The following AP2A2 variants were observed in gnomAD, a reference collection of about 807,000 sequenced individuals.
AP2A2 encodes AP-2 complex subunit alpha-2.
A neutral mutation model predicts 104.2 loss-of-function variants in AP2A2; 32 were observed. The observed-to-expected ratio is 0.31, with a 90% CI of 0.23 to 0.41. The LOEUF (loss-of-function observed/expected upper bound fraction) is 0.41, where lower values mean the gene tolerates loss of function less well. Among genes scored for constraint, AP2A2 ranks in the 10% least tolerant of loss-of-function variants. The pLI, the probability that AP2A2 is intolerant of heterozygous loss-of-function variation, is 1.00. For synonymous variants in AP2A2, 539 were observed against 533.3 expected (o/e 1.01, Z -0.15); for missense variants, 912 against 1,261.0 (o/e 0.72, Z 4.19).
At chr11:973,759 C>T (rs562551154) in intron 4 of AP2A2, among the ~76,000 whole-genome samples, 3 of 152,322 alleles carry the variant, frequency 2.0e-5, no homozygotes, top group Non-Finnish European at 2.9e-5. Context: ...CCACGGCCTC[C>T]TGGCCCTCCC....
intron 1 of AP2A2, 24 bp from the exon 2 acceptor site, chr11:959,413 A>G: frequency 4.8e-6 from 7 of 1,443,944 alleles, no homozygotes; most frequent in Non-Finnish European, 5.8e-6. Flanking sequence ...TAAAATAAAA[A>G]TGGCTTTTTG....
At chr11:962,342 G>A (rs1854469654) in intron 2 of AP2A2, among the ~76,000 whole-genome samples, 1 of 152,264 alleles carries the variant, frequency 6.6e-6, no homozygotes, top group South Asian at 2.1e-4. Context: ...CTTCAGAATG[G>A]TGAAGATGAA....
Position 967,878 on chromosome 11 carries a change from A to C in AP2A2, c.137-2291A>C, listed in dbSNP as rs562613501. Reference sequence around the variant, plus strand: ...ATTACTGTTATCCTCTGCCTTTTATAGCTCAGAATATTAAAGTTCAACTCA... The same window carrying C: ...ATTACTGTTATCCTCTGCCTTTTATCGCTCAGAATATTAAAGTTCAACTCA... On this transcript the variant is annotated intron_variant, in intron 2 of 21. Coordinates refer to ENST00000448903, the MANE Select transcript of AP2A2 (RefSeq NM_012305.4). Among the ~76,000 whole-genome samples, 5 of 152,270 alleles carry C rather than the reference A, an allele frequency of 3.3e-5. No individual in the cohort carries two copies. The South Asian group carries it at 1.0e-3, about 32-fold the overall frequency.
intron 14 of AP2A2, among the ~76,000 whole-genome samples, chr11:998,326 C>CGCCCCCATTCTGACCCCCT (rs1855923544): frequency 6.7e-6 from 1 of 149,370 alleles, no homozygotes; most frequent in Non-Finnish European, 1.5e-5. Context: ...GACTCTCACC[C>CGCCCCCATTCTGACCCCCT]GCCCCCATTC....
In AP2A2 at chr11:939,031, A is replaced by G. The variant is rs532013127; in HGVS notation, c.67+12943A>G. Reference sequence around the variant, plus strand: ...CACTTTGGGAGGCCGAGGCGGGTGGATCACGAGGTCAGGAGTTTGAGACCA... The same window carrying G: ...CACTTTGGGAGGCCGAGGCGGGTGGGTCACGAGGTCAGGAGTTTGAGACCA... On this transcript the variant is annotated intron_variant, in intron 1 of 21. Coordinates refer to ENST00000448903, the MANE Select transcript of AP2A2 (RefSeq NM_012305.4). 4.6e-5 allele frequency among the ~76,000 whole-genome samples: 7 copies of G among 151,986 alleles called. No homozygotes were observed. The South Asian group carries it at 1.5e-3, about 32-fold the overall frequency.
At chr11:936,710 C>A (rs990763788) in intron 1 of AP2A2, among the ~76,000 whole-genome samples, 1 of 152,154 alleles carries the variant, frequency 6.6e-6, no homozygotes, top group Non-Finnish European at 1.5e-5. Flanking sequence ...AGATGCTTGA[C>A]GTTGTGAATT....
chr11:941,391 T>C lies in AP2A2; in HGVS notation c.67+15303T>C, dbSNP rs529797424. The stretch of plus-strand genomic sequence containing the variant: ...GCCCCCATTTATGACTTCTGATATA[T>C]TCTTGATTTATCACTGCCTGAGAGA... On this transcript the variant is annotated intron_variant, in intron 1 of 21. Transcript: ENST00000448903. 1.7e-3 allele frequency among the ~76,000 whole-genome samples: 254 copies of C among 152,288 alleles called. 2 individuals carry two copies. The highest frequency in any genetic ancestry group is 3.4e-3 in the Middle Eastern group (1 of 294).
intron 4 of AP2A2, among the ~76,000 whole-genome samples, chr11:973,293 G>A (rs908488137): frequency 5.9e-5 from 9 of 152,198 alleles, no homozygotes; most frequent in African/African-American, 2.2e-4. Context: ...GTCACAGTGG[G>A]TAGAGACCAG....
intron 1 of AP2A2, among the ~76,000 whole-genome samples, chr11:933,138 C>T (rs190507415): frequency 7.0e-4 from 106 of 152,230 alleles, no homozygotes; most frequent in Admixed American, 2.0e-3. Flanking sequence ...TGTGGTGGCA[C>T]GTGTCTGTAA....
At chr11:978,652 C>T (rs997254080) in intron 5 of AP2A2, among the ~76,000 whole-genome samples, 2 of 152,230 alleles carry the variant, frequency 1.3e-5, no homozygotes, top group African/African-American at 4.8e-5. Flanking sequence ...CCCCTGGCAG[C>T]TGTCTTTTGT....
chr11:988,039 C>G (rs961125708), intron 9 of AP2A2, among the ~76,000 whole-genome samples: 1 of 152,256 alleles, frequency 6.6e-6, no homozygotes, highest in Non-Finnish European at 1.5e-5. Context: ...TGCACACGGC[C>G]AGTGCTAGCG....
At chr11:972,918 G>A (rs1329458980) in intron 4 of AP2A2, among the ~76,000 whole-genome samples, 1 of 152,264 alleles carries the variant, frequency 6.6e-6, no homozygotes, top group Non-Finnish European at 1.5e-5. Context: ...GCACCGCGCC[G>A]GAGCGCCCTC....
At position 993,659 on chromosome 11, in the gene AP2A2, G is replaced by A; in HGVS notation, c.1551-95G>A. 1 of 967,412 alleles carries A rather than the reference G, an allele frequency of 1.0e-6. No homozygotes were observed. Among genetic ancestry groups the A allele is most frequent in the Non-Finnish European group, 1.5e-6 (1 of 647,014 alleles). The allele number at this position is 967,412 out of a possible 1,614,324, so 59.9% of individuals were successfully genotyped here. A position where few individuals can be genotyped will look rare whatever the true frequency, so the allele number is the denominator to read the frequency against. On this transcript the variant is annotated intron_variant, in intron 12 of 21. Coordinates refer to ENST00000448903, the MANE Select transcript of AP2A2 (RefSeq NM_012305.4). This position sits in a 1 kb window ranked among gnomAD's most constrained non-coding sequence, Gnocchi z 8.2. Reference sequence around the variant, plus strand: ...TCCCGACCAGCGGCCTCTGGTGCAGGCCAGGGGGTCTCGCCGCCGTCCCCC... The same window carrying A: ...TCCCGACCAGCGGCCTCTGGTGCAGACCAGGGGGTCTCGCCGCCGTCCCCC...
At chr11:981,614 G>A (rs1855244790) in intron 6 of AP2A2, among the ~76,000 whole-genome samples, 1 of 152,228 alleles carries the variant, frequency 6.6e-6, no homozygotes, top group Admixed American at 6.5e-5. Flanking sequence ...GCTAAAGCCT[G>A]CCATTCAGCT....
chr11:974,179 T>C (rs1327169175), intron 4 of AP2A2, among the ~76,000 whole-genome samples: 1 of 150,138 alleles, frequency 6.7e-6, no homozygotes, highest in East Asian at 2.0e-4. Flanking sequence ...AGTGGTCCCA[T>C]GAAGGGAGTG....
intron 2 of AP2A2, among the ~76,000 whole-genome samples, chr11:962,664 C>T (rs773292420): frequency 1.8e-4 from 27 of 151,864 alleles, no homozygotes; most frequent in Non-Finnish European, 2.6e-4. Context: ...ACTGGGAAGG[C>T]GGAGGTTGCA....
intron 1 of AP2A2, among the ~76,000 whole-genome samples, chr11:930,192 A>G (rs1247252313): frequency 6.6e-6 from 1 of 151,442 alleles, no homozygotes; most frequent in Non-Finnish European, 1.5e-5. Context: ...TGTGGACACT[A>G]GGATGCTCTG....
At position 993,022 on chromosome 11, in the gene AP2A2, G is replaced by A. The variant is rs1212077619; in HGVS notation, c.1453-262G>A. Among the ~76,000 whole-genome samples, 2 of 152,212 alleles carry A rather than the reference G, an allele frequency of 1.3e-5. No homozygotes were observed. Among genetic ancestry groups the A allele is most frequent in the Non-Finnish European group, 2.9e-5 (2 of 68,036 alleles). On this transcript the variant is annotated intron_variant, in intron 11 of 21. Transcript: ENST00000448903. This position sits in a 1 kb window ranked among gnomAD's most constrained non-coding sequence, Gnocchi z 8.2. ...CCGGCAAGGGGTGTGCCATGAGGAC[G>A]CTGGCAGAACCTCCCCAGCCAGAGC...
intron 5 of AP2A2, among the ~76,000 whole-genome samples, chr11:980,058 G>A (rs371892906): frequency 0.069 from 10,158 of 146,772 alleles, 403 homozygotes; most frequent in South Asian, 0.097. Flanking sequence ...GTCCTGGAGC[G>A]GTGACAGGCT....
Sources: gnomAD v4.1 joint callset for allele counts (sites outside exome capture counted in the v4.1 genomes callset) on GRCh38, gnomAD v4.1.1 for gene constraint, Gnocchi (gnomAD v3.1) non-coding constraint, MANE v1.5 for transcripts, NCBI Gene and HGNC (gene_info 2026-07-23, HGNC 2026-07-21) for gene names.